Variants in HLCS observed in about 807,000 individuals in gnomAD.
The protein encoded by HLCS is holocarboxylase synthetase, also known as biotin--protein ligase.
In HLCS, 53 loss-of-function variants were observed where a neutral mutation model predicts 75.0. The observed-to-expected ratio is 0.71, with a 90% CI of 0.57 to 0.89. HLCS has a LOEUF of 0.89. HLCS is among the 40% of genes least tolerant of loss of function. The pLI, the probability that HLCS is intolerant of heterozygous loss-of-function variation, is 0.00. For missense variants in HLCS, 966 were observed against 1,074.0 expected, an observed-to-expected ratio of 0.90 and a Z score of 1.41; for synonymous variants, 431 against 428.6, an observed-to-expected ratio of 1.01 and a Z score of -0.07.
At chr21:36,790,403 AAAACAAAC>A (rs367981758) in intron 6 of HLCS, among the ~76,000 whole-genome samples, 2 of 152,192 alleles carry the variant, frequency 1.3e-5, no homozygotes, top group South Asian at 4.1e-4. Flanking sequence ...ACCCCATCTC[AAAACAAAC>A]AAACAAACAA....
chr21:36,835,073 A>G (rs978500124), intron 6 of HLCS, among the ~76,000 whole-genome samples: 2 of 152,222 alleles, frequency 1.3e-5, no homozygotes, highest in South Asian at 4.2e-4. Flanking sequence ...CCATTCCCCA[A>G]TGTCCTGGCC....
chr21:36,951,939 C>A (rs535536617), intron 2 of HLCS, among the ~76,000 whole-genome samples: 1 of 152,282 alleles, frequency 6.6e-6, no homozygotes, highest in Non-Finnish European at 1.5e-5. Flanking sequence ...GTGAATGCTA[C>A]ATTTTTTAAA....
At chr21:36,820,800 T>C (rs1325038644) in intron 6 of HLCS, among the ~76,000 whole-genome samples, 1 of 152,220 alleles carries the variant, frequency 6.6e-6, no homozygotes, top group Admixed American at 6.5e-5. Context: ...CATCTTCAAG[T>C]CAAGGACAAC....
intron 6 of HLCS, among the ~76,000 whole-genome samples, chr21:36,829,182 T>A (rs750860365): frequency 2.6e-5 from 4 of 152,254 alleles, no homozygotes; most frequent in Admixed American, 2.0e-4. Flanking sequence ...ACTGGATTCC[T>A]GTGAAACTCC....
At chr21:36,964,387 C>T (rs950262538) in intron 1 of HLCS, among the ~76,000 whole-genome samples, 6 of 152,240 alleles carry the variant, frequency 3.9e-5, no homozygotes, top group Admixed American at 3.9e-4. Flanking sequence ...AATGGTCAAG[C>T]TTTCCACCTG....
intron 9 of HLCS, among the ~76,000 whole-genome samples, chr21:36,757,666 C>A (rs2089657119): frequency 6.6e-6 from 1 of 152,172 alleles, no homozygotes; most frequent in South Asian, 2.1e-4. Flanking sequence ...CCTGCCGTTT[C>A]CAGTGTGAAG....
chr21:36,820,953 A>G (rs543760360), intron 6 of HLCS, among the ~76,000 whole-genome samples: 1 of 152,192 alleles, frequency 6.6e-6, no homozygotes, highest in Non-Finnish European at 1.5e-5. Flanking sequence ...GCAGACTGGG[A>G]GGCGACTTCA....
chr21:36,904,048 T>C (rs1435802128), intron 5 of HLCS, among the ~76,000 whole-genome samples: 1 of 152,158 alleles, frequency 6.6e-6, no homozygotes, highest in Non-Finnish European at 1.5e-5. Context: ...CACCACACTC[T>C]TGGATTTTCC....
chr21:36,980,667 C>G (rs1569274359), intron 1 of HLCS: 1 of 152,276 alleles, frequency 6.6e-6, no homozygotes, highest in Non-Finnish European at 1.5e-5. Flanking sequence ...GGCCGCGGAG[C>G]GCTCCTGGCC....
chr21:36,893,516 C>T (rs775928917), intron 6 of HLCS, among the ~76,000 whole-genome samples: 7 of 152,176 alleles, frequency 4.6e-5, no homozygotes, highest in Non-Finnish European at 1.0e-4. Context: ...ACAACAGTCC[C>T]CAACCTTTTT....
In HLCS at chr21:36,754,178, A is replaced by T; in HGVS notation, c.*68T>A. ...AATTGGAGGAAAAGAAAATTCACCT[A>T]CAACTCTAAATTAGATTTCCAGATG... On this transcript the variant is annotated 3_prime_UTR_variant, in exon 11 of 11. Coordinates refer to ENST00000674895, the MANE Select transcript of HLCS (RefSeq NM_001352514.2). The T allele has an allele frequency of 3.4e-6, 5 of 1,470,234 alleles. No homozygotes were observed. The highest frequency in any genetic ancestry group is 4.7e-6 in the Non-Finnish European group (5 of 1,058,060). The allele number at this position is 1,470,234 out of a possible 1,614,324, so 91.1% of individuals were successfully genotyped here. A position where few individuals can be genotyped will look rare whatever the true frequency, so the allele number is the denominator to read the frequency against.
In HLCS at chr21:36,749,131, A is replaced by G. The variant is rs1163126245; in HGVS notation, c.*5115T>C. The G allele has an allele frequency of 2.0e-5, 3 of 152,682 alleles. No individual in the cohort carries two copies. Among genetic ancestry groups the G allele is most frequent in the African/African-American group, 7.2e-5 (3 of 41,460 alleles). 9.5% of individuals were successfully genotyped at this position (152,682 alleles called of 1,614,324 possible). A position where few individuals can be genotyped will look rare whatever the true frequency, so the allele number is the denominator to read the frequency against. ...AACATGTTACGTGTGCAACAGGTAA[A>G]CAGAAATCCTTTCATAAAGCACCAG... On this transcript the variant is annotated 3_prime_UTR_variant, in exon 11 of 11. Transcript: ENST00000674895.
intron 6 of HLCS, among the ~76,000 whole-genome samples, chr21:36,824,067 G>A (rs957482570): frequency 1.3e-5 from 2 of 152,136 alleles, no homozygotes; most frequent in African/African-American, 2.4e-5. Flanking sequence ...ATCACCTGAG[G>A]TCAGGAGTTT....
intron 6 of HLCS, among the ~76,000 whole-genome samples, chr21:36,855,236 A>T (rs1462544605): frequency 3.3e-5 from 5 of 152,130 alleles, no homozygotes; most frequent in African/African-American, 1.2e-4. Context: ...TATAAATCCA[A>T]CTTCAAGAAG....
At chr21:36,835,222 A>G (rs1455301374) in intron 6 of HLCS, among the ~76,000 whole-genome samples, 1 of 152,190 alleles carries the variant, frequency 6.6e-6, no homozygotes, top group East Asian at 1.9e-4. Flanking sequence ...TCTTTCCTAA[A>G]TACAGTCATA....
intron 6 of HLCS, among the ~76,000 whole-genome samples, chr21:36,803,431 C>G (rs1303769298): frequency 1.3e-5 from 2 of 152,222 alleles, no homozygotes; most frequent in African/African-American, 4.8e-5. Context: ...AGTATTAAAT[C>G]TGGATTCCAG....
intron 5 of HLCS, 149 bp downstream of exon 5, chr21:36,930,102 T>C: frequency 1.3e-6 from 1 of 744,972 alleles, no homozygotes; most frequent in South Asian, 1.5e-5. Flanking sequence ...AATGAATATT[T>C]GCACATCTTG....
intron 5 of HLCS, among the ~76,000 whole-genome samples, chr21:36,903,940 A>G (rs183126999): frequency 3.8e-4 from 58 of 152,244 alleles, no homozygotes; most frequent in African/African-American, 1.2e-3. Context: ...CTTTATAAGA[A>G]GAGAAAGAAA....
intron 2 of HLCS, chr21:36,947,508 G>A (rs1328906038): frequency 4.1e-6 from 4 of 985,380 alleles, no homozygotes; most frequent in Non-Finnish European, 4.8e-6. Flanking sequence ...TTTGCACTTC[G>A]AGATGGAAAC....
Sources: allele counts gnomAD v4.1 joint callset (sites outside exome capture counted in the v4.1 genomes callset), GRCh38; gene constraint gnomAD v4.1.1; transcripts MANE v1.5; gene names NCBI Gene and HGNC (gene_info 2026-07-23, HGNC 2026-07-21).